ZBTB8OS: variants seen among roughly 807,000 people sequenced by gnomAD.
The protein encoded by ZBTB8OS is tRNA-splicing ligase-activating factor archease.
A neutral mutation model predicts 29.3 loss-of-function variants in ZBTB8OS; 16 were observed. The ratio of observed to expected loss-of-function variants is 0.55; its 90% CI spans 0.37 to 0.83. The LOEUF is 0.83. ZBTB8OS is among the 40% of genes least tolerant of loss of function. The pLI is 0.00. For synonymous variants in ZBTB8OS, 70 were observed against 64.6 expected (o/e 1.08, Z -0.40); for missense variants, 160 against 196.9 (o/e 0.81, Z 1.12).
chr1:32,623,157 C>A (rs1176603243), intron 6 of ZBTB8OS, among the ~76,000 whole-genome samples: 1 of 152,088 alleles, frequency 6.6e-6, no homozygotes, highest in East Asian at 1.9e-4. Flanking sequence ...CTACACCACA[C>A]AAAAAAAGGA....
At chr1:32,650,278 G>C in intron 1 of ZBTB8OS, 155 bp downstream of exon 1, 2 of 1,017,300 alleles carry the variant, frequency 2.0e-6, no homozygotes, top group Non-Finnish European at 2.8e-6. Flanking sequence ...AGCATCCCCA[G>C]GAGAAGTACG....
chr1:32,633,973 T>C lies in ZBTB8OS; in HGVS notation c.222A>G (p.Gln74=). 1 of 1,589,228 alleles carries C rather than the reference T, an allele frequency of 6.3e-7. No homozygotes were observed. The highest frequency in any genetic ancestry group is 1.8e-4 in the Middle Eastern group (1 of 5,670). ...MTDTGTVEPL[Q]TVEVETQGDD... Reference sequence around the variant, plus strand: ...TACCTTGGGTTTCTACTTCTACTGTTTGGAGGGGCTCCACTGTCCCAGTAT... The same window carrying C: ...TACCTTGGGTTTCTACTTCTACTGTCTGGAGGGGCTCCACTGTCCCAGTAT... The change falls in exon 3 of 7, where the codon CAA becomes CAG. Residue 74 remains glutamine, a synonymous_variant. Coordinates refer to ENST00000468695, the MANE Select transcript of ZBTB8OS (RefSeq NM_178547.5).
chr1:32,646,274 G>C (rs189545390), intron 1 of ZBTB8OS, among the ~76,000 whole-genome samples: 1 of 151,384 alleles, frequency 6.6e-6, no homozygotes, highest in African/African-American at 2.4e-5. Flanking sequence ...AGTCAAAGTC[G>C]CACCACTGCA....
intron 1 of ZBTB8OS, among the ~76,000 whole-genome samples, chr1:32,644,246 A>C (rs573596349): frequency 6.6e-6 from 1 of 152,162 alleles, no homozygotes; most frequent in Non-Finnish European, 1.5e-5. Flanking sequence ...ATAGCTTGCC[A>C]CAGTATCTTA....
intron 5 of ZBTB8OS, among the ~76,000 whole-genome samples, chr1:32,629,749 C>CTTTT (rs869185319): frequency 2.7e-4 from 31 of 114,116 alleles, no homozygotes; most frequent in East Asian, 5.0e-4. Context: ...ATGCTTGTTT[C>CTTTT]TTTTTTTTTT....
At chr1:32,627,101 C>G (rs1023279016) in intron 6 of ZBTB8OS, among the ~76,000 whole-genome samples, 4 of 152,142 alleles carry the variant, frequency 2.6e-5, no homozygotes, top group African/African-American at 7.2e-5. Flanking sequence ...CAGAAAAAAA[C>G]TGCCAACTCC....
intron 4 of ZBTB8OS, among the ~76,000 whole-genome samples, chr1:32,632,800 T>C (rs1645673703): frequency 1.3e-5 from 2 of 152,200 alleles, no homozygotes. Context: ...GCCGCTGCTG[T>C]ACACTGCCAC....
chr1:32,634,181 C>A, intron 2 of ZBTB8OS, 109 bp from the exon 3 acceptor site: 3 of 1,012,098 alleles, frequency 3.0e-6, no homozygotes, highest in Non-Finnish European at 4.1e-6. Flanking sequence ...AATTTTAAGG[C>A]CTCAATCAAT....
intron 3 of ZBTB8OS, 42 bp from the exon 4 acceptor site, chr1:32,633,769 A>G (rs750886623): frequency 3.3e-6 from 5 of 1,519,486 alleles, no homozygotes; most frequent in South Asian, 1.2e-5. Context: ...TCTGGTCTCT[A>G]AAAACATACT....
At chr1:32,641,010 CAAAA>C (rs530189429) in intron 1 of ZBTB8OS, among the ~76,000 whole-genome samples, 1 of 104,786 alleles carries the variant, frequency 9.5e-6, no homozygotes, top group Non-Finnish European at 1.8e-5. Context: ...ACTAAAAATA[CAAAA>C]AAAAAAAAAT....
At chr1:32,625,137 C>T (rs1645019120) in intron 6 of ZBTB8OS, among the ~76,000 whole-genome samples, 2 of 150,842 alleles carry the variant, frequency 1.3e-5, no homozygotes, top group Non-Finnish European at 1.5e-5. Flanking sequence ...ACACGAGAAT[C>T]GCTTGAACCT....
intron 1 of ZBTB8OS, among the ~76,000 whole-genome samples, chr1:32,637,791 T>C (rs1646096016): frequency 6.6e-6 from 1 of 152,186 alleles, no homozygotes; most frequent in Non-Finnish European, 1.5e-5. Context: ...AAAAACTCAC[T>C]GGACTTTACA....
intron 1 of ZBTB8OS, among the ~76,000 whole-genome samples, chr1:32,635,867 C>A (rs199679048): frequency 5.3e-5 from 8 of 152,166 alleles, no homozygotes; most frequent in African/African-American, 1.7e-4. Flanking sequence ...AAAAGACCCC[C>A]TTCTTGCCTG....
chr1:32,639,818 C>T (rs1646263824), intron 1 of ZBTB8OS: 1 of 152,096 alleles, frequency 6.6e-6, no homozygotes, highest in Non-Finnish European at 1.5e-5. Flanking sequence ...CACTGTTTTA[C>T]ATTTTTTCAA....
Position 32,627,659 on chromosome 1 carries a change from AG to A in ZBTB8OS, c.381-116del, listed in dbSNP as rs949059915. ...AAGCCAAAAGAGACAGGAGGGGGTC[AG>A]GGAGCTGTTAAGTTTCATTTTCATT... On this transcript the variant is annotated intron_variant, in intron 5 of 6. Coordinates refer to ENST00000468695, the MANE Select transcript of ZBTB8OS (RefSeq NM_178547.5). The A allele has an allele frequency of 5.5e-6, 5 of 902,572 alleles. No individual in the cohort carries two copies. The Admixed American group carries it at 1.1e-4, about 20-fold the overall frequency. The allele number at this position is 902,572 out of a possible 1,614,324, so 55.9% of individuals were successfully genotyped here.
intron 4 of ZBTB8OS, among the ~76,000 whole-genome samples, chr1:32,632,690 T>C (rs764139818): frequency 1.3e-5 from 2 of 152,088 alleles, no homozygotes; most frequent in South Asian, 2.1e-4. Flanking sequence ...TCAAGGGAGG[T>C]ATTCTAGAAA....
chr1:32,641,010 C>CAAAAAAAAAAAAAAAAAAAA (rs530189429), intron 1 of ZBTB8OS, among the ~76,000 whole-genome samples: 3 of 104,784 alleles, frequency 2.9e-5, no homozygotes, highest in African/African-American at 1.2e-4. Flanking sequence ...ACTAAAAATA[C>CAAAAAAAAAAAAAAAAAAAA]AAAAAAAAAA....
chr1:32,636,784 A>C (rs1360201485), intron 1 of ZBTB8OS, among the ~76,000 whole-genome samples: 2 of 151,930 alleles, frequency 1.3e-5, no homozygotes, highest in Non-Finnish European at 2.9e-5. Flanking sequence ...CTGCCTGAGA[A>C]AGAGCATCAT....
intron 6 of ZBTB8OS, among the ~76,000 whole-genome samples, chr1:32,623,052 G>A (rs1181011650): frequency 6.6e-6 from 1 of 152,130 alleles, no homozygotes; most frequent in African/African-American, 2.4e-5. Flanking sequence ...AGAATTAGAT[G>A]TTCTCTTAGG....
Sources: allele counts gnomAD v4.1 joint callset (sites outside exome capture counted in the v4.1 genomes callset), GRCh38; gene constraint gnomAD v4.1.1; transcripts MANE v1.5; gene names NCBI Gene and HGNC (gene_info 2026-07-23, HGNC 2026-07-21).